Variants in COL25A1 observed in about 807,000 individuals in gnomAD.
The protein encoded by COL25A1 is collagen type XXV alpha 1 chain, also known as collagen alpha-1(XXV) chain.
A neutral mutation model predicts 128.4 loss-of-function variants in COL25A1; 103 were observed. The ratio of observed to expected loss-of-function variants is 0.80; its 90% CI spans 0.68 to 0.94. COL25A1 has a LOEUF of 0.94. Ranked by LOEUF, COL25A1 falls within the 40% of genes least tolerant of loss-of-function variation. The pLI, the probability that COL25A1 is intolerant of heterozygous loss-of-function variation, is 0.00. For synonymous variants in COL25A1, 279 were observed against 277.2 expected, an observed-to-expected ratio of 1.01 and a Z score of -0.06; for missense variants, 745 against 840.0, an observed-to-expected ratio of 0.89 and a Z score of 1.40.
intron 3 of COL25A1, among the ~76,000 whole-genome samples, chr4:109,059,808 G>A (rs1761789899): frequency 1.3e-5 from 2 of 152,174 alleles, no homozygotes; most frequent in Admixed American, 1.3e-4. Flanking sequence ...GATATTGCCT[G>A]TCTTCTTCAT....
chr4:109,250,091 A>G (rs1023745882), intron 3 of COL25A1, among the ~76,000 whole-genome samples: 5 of 152,144 alleles, frequency 3.3e-5, no homozygotes, highest in African/African-American at 1.2e-4. Flanking sequence ...TTGAAGACCT[A>G]GATTCTAGGC....
intron 3 of COL25A1, among the ~76,000 whole-genome samples, chr4:109,225,907 T>A (rs1356361517): frequency 1.3e-5 from 2 of 151,952 alleles, no homozygotes; most frequent in Non-Finnish European, 2.9e-5. Context: ...TACATACTTG[T>A]TACACACTAG....
At chr4:109,022,079 G>A (rs1757822353) in intron 5 of COL25A1, 1 of 435,520 alleles carries the variant, frequency 2.3e-6, no homozygotes, top group Non-Finnish European at 4.6e-6. Flanking sequence ...TGATCTTTGT[G>A]ACCTACTCCC....
intron 3 of COL25A1, among the ~76,000 whole-genome samples, chr4:109,229,705 C>T (rs1199384725): frequency 6.6e-6 from 1 of 152,110 alleles, no homozygotes; most frequent in East Asian, 1.9e-4. Context: ...ACCGAGAAGG[C>T]AGGGCATCAC....
intron 8 of COL25A1, among the ~76,000 whole-genome samples, chr4:108,964,865 T>C (rs1452624341): frequency 2.0e-5 from 3 of 152,160 alleles, no homozygotes; most frequent in Non-Finnish European, 4.4e-5. Flanking sequence ...CATGCCAGCT[T>C]CTGAATCTGG....
intron 31 of COL25A1, among the ~76,000 whole-genome samples, chr4:108,839,448 TC>T (rs564247395): frequency 6.2e-4 from 94 of 152,220 alleles, no homozygotes; most frequent in Middle Eastern, 3.4e-3. Flanking sequence ...TAAGACAGTA[TC>T]CCGGGAATGC....
At chr4:109,156,146 T>A (rs906272706) in intron 3 of COL25A1, among the ~76,000 whole-genome samples, 8 of 152,152 alleles carry the variant, frequency 5.3e-5, no homozygotes, top group African/African-American at 1.7e-4. Flanking sequence ...TAGAACCACA[T>A]AAAGGAAGCC....
intron 3 of COL25A1, among the ~76,000 whole-genome samples, chr4:109,136,335 G>A (rs762231315): frequency 6.6e-6 from 1 of 152,122 alleles, no homozygotes; most frequent in Non-Finnish European, 1.5e-5. Context: ...GGAGGCGGAG[G>A]TTGCAGTGAG....
At chr4:109,081,445 T>A (rs897213448) in intron 3 of COL25A1, among the ~76,000 whole-genome samples, 1 of 152,244 alleles carries the variant, frequency 6.6e-6, no homozygotes, top group African/African-American at 2.4e-5. Context: ...ATACTATTTT[T>A]TCGGAAACTG....
intron 24 of COL25A1, chr4:108,854,021 T>A (rs772045901): frequency 6.6e-6 from 1 of 152,044 alleles, no homozygotes; most frequent in African/African-American, 2.4e-5. Flanking sequence ...AAAACAAATA[T>A]ATAGACCAAT....
chr4:108,913,967 G>T (rs980314297), intron 13 of COL25A1, among the ~76,000 whole-genome samples: 4 of 152,208 alleles, frequency 2.6e-5, no homozygotes, highest in Admixed American at 6.5e-5. Context: ...ATAAATTATG[G>T]AGGGCAAATA....
At chr4:109,196,460 G>C (rs1022555518) in intron 3 of COL25A1, among the ~76,000 whole-genome samples, 2 of 152,018 alleles carry the variant, frequency 1.3e-5, no homozygotes, top group African/African-American at 4.8e-5. Flanking sequence ...TGTTTACATA[G>C]AGAGTATATG....
At chr4:108,969,893 A>AATAT (rs60257628) in intron 8 of COL25A1, among the ~76,000 whole-genome samples, 13 of 149,178 alleles carry the variant, frequency 8.7e-5, no homozygotes, top group African/African-American at 2.6e-4. Flanking sequence ...GCTACCACCA[A>AATAT]ATATATATAT....
rs1777947065 is a variant in COL25A1, at chr4:109,215,963, G to T, written c.367+84620C>A. ...GAGTCAGCACATTGGGTTCAGATAG[G>T]TATGTGTAGCAGGGCAGCTAGCTTG... On this transcript the variant is annotated intron_variant, in intron 3 of 37. Transcript: ENST00000399132. 5.3e-5 allele frequency among the ~76,000 whole-genome samples: 8 copies of T among 152,144 alleles called. No homozygotes were observed. The South Asian group carries it at 1.5e-3, about 28-fold the overall frequency.
At chr4:108,983,747 G>T (rs1222279383) in intron 6 of COL25A1, among the ~76,000 whole-genome samples, 2 of 151,936 alleles carry the variant, frequency 1.3e-5, no homozygotes, top group East Asian at 3.9e-4. Context: ...TTAAGGCGGT[G>T]CGTCTGGAGT....
chr4:109,229,301 C>T (rs956128399), intron 3 of COL25A1, among the ~76,000 whole-genome samples: 1 of 152,216 alleles, frequency 6.6e-6, no homozygotes, highest in Non-Finnish European at 1.5e-5. Context: ...ACTGAATTCA[C>T]AAATTCTGAA....
chr4:109,016,964 C>T (rs544201796), intron 5 of COL25A1, among the ~76,000 whole-genome samples: 7 of 152,336 alleles, frequency 4.6e-5, no homozygotes, highest in South Asian at 2.1e-4. Context: ...GCCCCTCATT[C>T]GCCATGTTGC....
intron 11 of COL25A1, among the ~76,000 whole-genome samples, chr4:108,931,776 A>C (rs1746774132): frequency 6.6e-6 from 1 of 152,138 alleles, no homozygotes; most frequent in Non-Finnish European, 1.5e-5. Context: ...AGAAGGCATC[A>C]CTTGTCTACT....
chr4:109,085,778 T>A (rs543530298), intron 3 of COL25A1, among the ~76,000 whole-genome samples: 5 of 152,336 alleles, frequency 3.3e-5, no homozygotes, highest in African/African-American at 1.2e-4. Flanking sequence ...AGTGAAGATG[T>A]TATCTTTACA....
Sources: allele counts gnomAD v4.1 joint callset (sites outside exome capture counted in the v4.1 genomes callset), GRCh38; gene constraint gnomAD v4.1.1; transcripts MANE v1.5; gene names NCBI Gene and HGNC (gene_info 2026-07-23, HGNC 2026-07-21).